Variants in ZNF609 observed in about 807,000 individuals in gnomAD.
ZNF609 encodes zinc finger protein 609.
In ZNF609, 11 loss-of-function variants were observed where a neutral mutation model predicts 109.5. The ratio of observed to expected loss-of-function variants is 0.10; its 90% CI spans 0.06 to 0.17. The LOEUF (loss-of-function observed/expected upper bound fraction) is 0.17, where lower values mean the gene tolerates loss of function less well. ZNF609 is among the 10% of genes least tolerant of loss of function. The pLI, the probability that ZNF609 is intolerant of heterozygous loss-of-function variation, is 1.00. For synonymous variants in ZNF609, 646 were observed against 662.0 expected, an observed-to-expected ratio of 0.98 and a Z score of 0.37; for missense variants, 1,559 against 1,772.4, an observed-to-expected ratio of 0.88 and a Z score of 2.16.
intron 2 of ZNF609, among the ~76,000 whole-genome samples, chr15:64,604,377 T>C (rs1218855546): frequency 1.3e-5 from 2 of 152,220 alleles, no homozygotes; most frequent in African/African-American, 4.8e-5. Flanking sequence ...TCAAGGTATT[T>C]GAAAAAGCCT....
intron 3 of ZNF609, among the ~76,000 whole-genome samples, chr15:64,666,325 C>T (rs915842121): frequency 2.0e-5 from 3 of 151,938 alleles, no homozygotes; most frequent in Admixed American, 1.3e-4. Flanking sequence ...ACCTGGGAGG[C>T]GGAGGTTGCA....
At chr15:64,588,947 G>A (rs981025088) in intron 2 of ZNF609, among the ~76,000 whole-genome samples, 3 of 152,034 alleles carry the variant, frequency 2.0e-5, no homozygotes, top group African/African-American at 7.2e-5. Flanking sequence ...CCTGTCTGTG[G>A]CCCTCAGTCT....
At chr15:64,652,957 T>C (rs1896440060) in intron 3 of ZNF609, 1 of 153,130 alleles carries the variant, frequency 6.5e-6, no homozygotes, top group Non-Finnish European at 1.5e-5. Flanking sequence ...TTGTTCCATC[T>C]CTAATCCCAT....
intron 2 of ZNF609, chr15:64,529,146 C>A: frequency 2.7e-6 from 2 of 747,110 alleles, no homozygotes. Context: ...GAACTGTGGT[C>A]ATGAATCCTT....
intron 2 of ZNF609, among the ~76,000 whole-genome samples, chr15:64,558,456 T>C (rs559323557): frequency 6.6e-6 from 1 of 152,356 alleles, no homozygotes; most frequent in South Asian, 2.1e-4. Flanking sequence ...AAAATAATGC[T>C]TGGCACTTAA....
At chr15:64,498,441 A>G (rs1307486180) in intron 1 of ZNF609, among the ~76,000 whole-genome samples, 1 of 152,228 alleles carries the variant, frequency 6.6e-6, no homozygotes, top group Non-Finnish European at 1.5e-5. Context: ...TTGTCAATAC[A>G]GTGCCATCAG....
At chr15:64,476,764 T>C (rs1037017673) in intron 1 of ZNF609, among the ~76,000 whole-genome samples, 1 of 152,152 alleles carries the variant, frequency 6.6e-6, no homozygotes, top group Non-Finnish European at 1.5e-5. Flanking sequence ...GGGGTGGGAT[T>C]TACCCTTCTG....
chr15:64,635,492 T>G (rs1896159682), intron 3 of ZNF609, among the ~76,000 whole-genome samples: 1 of 152,206 alleles, frequency 6.6e-6, no homozygotes, highest in Non-Finnish European at 1.5e-5. Flanking sequence ...ATGAGGAGGT[T>G]GGACTACATG....
rs1299907932 is a variant in ZNF609 at position 64,675,737 on chromosome 15, C to G, written c.2883C>G (p.Ile961Met). Reference protein sequence around the residue: ...LSSSSQQPSVIQQRPNMYMQS... With the variant: ...LSSSSQQPSVMQQRPNMYMQS... Reference sequence around the variant, plus strand: ...GTTCCAGTCAGCAGCCCTCGGTCATCCAGCAGCGTCCCAATATGTACATGC... The same window carrying G: ...GTTCCAGTCAGCAGCCCTCGGTCATGCAGCAGCGTCCCAATATGTACATGC... The change falls in exon 5 of 10, where the codon ATC becomes ATG. Residue 961 changes from isoleucine (I) to methionine (M), a missense_variant. This residue lies in a region of ZNF609 where 1,204 missense variants were observed against 1,314.1 expected (regional missense o/e 0.92). Coordinates refer to ENST00000326648, the MANE Select transcript of ZNF609 (RefSeq NM_015042.2). The G allele has an allele frequency of 6.2e-7, 1 of 1,614,174 alleles. No individual in the cohort carries two copies. Among genetic ancestry groups the G allele is most frequent in the African/African-American group, 1.3e-5 (1 of 75,028 alleles).
chr15:64,594,150 G>A (rs941517024), intron 2 of ZNF609, among the ~76,000 whole-genome samples: 2 of 152,208 alleles, frequency 1.3e-5, no homozygotes, highest in African/African-American at 4.8e-5. Context: ...GAGCCAGGTA[G>A]CTGAAAGGGC....
intron 3 of ZNF609, among the ~76,000 whole-genome samples, chr15:64,650,365 C>T (rs528153496): frequency 5.4e-4 from 78 of 145,420 alleles, no homozygotes; most frequent in Non-Finnish European, 9.5e-4. Context: ...TGCAGTGAGC[C>T]AAGATCTCAC....
intron 2 of ZNF609, among the ~76,000 whole-genome samples, chr15:64,610,419 A>G (rs924952620): frequency 2.4e-4 from 37 of 152,154 alleles, no homozygotes; most frequent in Admixed American, 5.9e-4. Context: ...AATCTGTACA[A>G]CAAACCCCAG....
At chr15:64,497,374 G>T (rs938693164) in intron 1 of ZNF609, among the ~76,000 whole-genome samples, 4 of 152,070 alleles carry the variant, frequency 2.6e-5, no homozygotes, top group African/African-American at 9.7e-5. Context: ...TTAAATTCCT[G>T]TTGCTAGCAG....
In ZNF609 at chr15:64,583,765, G is replaced by T. The variant is rs529768317; in HGVS notation, c.748-39062G>T. ...GGGGAGGTGGGAGGAGGCTGCCTTG[G>T]GTAGTGGAGATGATCTAGAGCTCTG... is the stretch of plus-strand genomic sequence containing the variant. On this transcript the variant is annotated intron_variant, in intron 2 of 9. Coordinates refer to ENST00000326648, the MANE Select transcript of ZNF609 (RefSeq NM_015042.2). Among the ~76,000 whole-genome samples the T allele has an allele frequency of 2.0e-5, 3 of 152,174 alleles. No homozygotes were observed. In the East Asian group the frequency reaches 5.8e-4, roughly 29 times the overall value.
At chr15:64,476,929 A>G (rs1381738078) in intron 1 of ZNF609, among the ~76,000 whole-genome samples, 1 of 152,094 alleles carries the variant, frequency 6.6e-6, no homozygotes, top group Non-Finnish European at 1.5e-5. Flanking sequence ...AAGCTTTCAA[A>G]GAGTGTGTGC....
intron 2 of ZNF609, among the ~76,000 whole-genome samples, chr15:64,510,985 A>G (rs866978943): frequency 1.3e-5 from 1 of 76,596 alleles, no homozygotes; most frequent in Non-Finnish European, 2.6e-5. Flanking sequence ...TCCACATAGC[A>G]TTGATTTTTT....
rs372238294 is a variant in ZNF609 at position 64,619,315 on chromosome 15, T to C, written c.748-3512T>C. 3.7e-3 allele frequency among the ~76,000 whole-genome samples: 558 copies of C among 152,288 alleles called. 25 individuals are homozygous for C. The South Asian group carries it at 0.11, about 30-fold the overall frequency. Reference sequence around the variant, plus strand: ...GCACCCAGCCCCCTTTTTCTGATTGTTATCTTCTCCTGGAAAGTGATAAAT... The same window carrying C: ...GCACCCAGCCCCCTTTTTCTGATTGCTATCTTCTCCTGGAAAGTGATAAAT... On this transcript the variant is annotated intron_variant, in intron 2 of 9. Transcript: ENST00000326648.
intron 2 of ZNF609, among the ~76,000 whole-genome samples, chr15:64,545,411 C>T (rs1023588292): frequency 6.6e-6 from 1 of 152,150 alleles, no homozygotes; most frequent in African/African-American, 2.4e-5. Flanking sequence ...GTTGCCCAGG[C>T]TGGACTTGAA....
intron 2 of ZNF609, among the ~76,000 whole-genome samples, chr15:64,532,082 G>C (rs1894071449): frequency 6.6e-6 from 1 of 152,024 alleles, no homozygotes; most frequent in Admixed American, 6.6e-5. Context: ...GGATTCTGCT[G>C]TTCCTTGAAA....
Sources: gnomAD v4.1 joint callset for allele counts (sites outside exome capture counted in the v4.1 genomes callset) on GRCh38, gnomAD v4.1.1 for gene constraint, gnomAD v4.1.1 regional missense constraint, MANE v1.5 for transcripts, NCBI Gene and HGNC (gene_info 2026-07-23, HGNC 2026-07-21) for gene names.